B4GALNT2: variants seen among roughly 807,000 people sequenced by gnomAD.
B4GALNT2 encodes the protein N-acetylneuraminylgalactosylglucosyl-glucoside beta-1,4-N- acetylgalactosaminyltransferase 2.
B4GALNT2 carries 42 observed loss-of-function variants against 51.1 expected under a neutral mutation model. The ratio of observed to expected loss-of-function variants is 0.82; its 90% CI spans 0.64 to 1.06. The LOEUF (loss-of-function observed/expected upper bound fraction) is 1.06, where lower values mean the gene tolerates loss of function less well. B4GALNT2 is among the 50% of genes least tolerant of loss of function. The probability of loss-of-function intolerance (pLI) is 0.00; values close to 1 mark genes in which losing one functional copy is unlikely to be tolerated. For missense variants in B4GALNT2, 602 were observed against 633.6 expected (o/e 0.95, Z 0.54); for synonymous variants, 253 against 251.7 (o/e 1.01, Z -0.05).
chr17:49,163,756 C>CA (rs10589274), intron 7 of B4GALNT2, among the ~76,000 whole-genome samples: 20,478 of 90,944 alleles, frequency 0.23, 2,095 homozygotes, highest in Admixed American at 0.25. Context: ...AACTCCGTAT[C>CA]AAAAAAAAAA....
At chr17:49,124,906 A>G in the B4GALNT2 span, among the ~76,000 whole-genome samples, 2 of 152,220 alleles carry the variant, frequency 1.3e-5, no homozygotes, top group Non-Finnish European at 2.9e-5. Flanking sequence ...ACTTTAGCCA[A>G]TATGTTTACA....
chr17:49,168,490 G>C (rs183892508), intron 9 of B4GALNT2, among the ~76,000 whole-genome samples, 191 bp from the exon 10 acceptor site: 15 of 152,284 alleles, frequency 9.9e-5, no homozygotes, highest in African/African-American at 3.1e-4. Context: ...AGAGCCCAGG[G>C]ACCCAACAGT....
intron 1 of B4GALNT2, among the ~76,000 whole-genome samples, chr17:49,135,593 T>C (rs2042582520): frequency 6.6e-6 from 1 of 152,086 alleles, no homozygotes; most frequent in African/African-American, 2.4e-5. Flanking sequence ...CTTGCTATTC[T>C]TATGTGTTAC....
At chr17:49,125,022 C>T in the B4GALNT2 span, among the ~76,000 whole-genome samples, 1 of 152,186 alleles carries the variant, frequency 6.6e-6, no homozygotes, top group East Asian at 1.9e-4. Context: ...GGTAAAAAAC[C>T]ACATTACATT....
rs760502999 is a variant in B4GALNT2 at position 49,160,692 on chromosome 17, G to T, written c.766+51G>T. 6 of 1,524,948 alleles carry T rather than the reference G, an allele frequency of 3.9e-6. No homozygotes were observed. The South Asian group carries it at 6.7e-5, about 17-fold the overall frequency. 94.5% of individuals were successfully genotyped at this position (1,524,948 alleles called of 1,614,324 possible). On this transcript the variant is annotated intron_variant, in intron 7 of 10. Coordinates refer to ENST00000393354, the MANE Select transcript of B4GALNT2 (RefSeq NM_001159387.2). The stretch of plus-strand genomic sequence containing the variant: ...GTGGTGGCAACCCTGTGAAGCTATT[G>T]GTGAAATTCAGAAGGGATCACCTCT...
intron 3 of B4GALNT2, among the ~76,000 whole-genome samples, chr17:49,147,608 T>G (rs1027762327): frequency 6.6e-6 from 1 of 151,974 alleles, no homozygotes; most frequent in Non-Finnish European, 1.5e-5. Context: ...ACTCCTGAGC[T>G]CAAGCAATCC....
At chr17:49,139,215 C>T (rs1315827912) in intron 1 of B4GALNT2, among the ~76,000 whole-genome samples, 1 of 151,880 alleles carries the variant, frequency 6.6e-6, no homozygotes, top group African/African-American at 2.4e-5. Flanking sequence ...ACTTCCATGA[C>T]AATGTTAGAT....
intron 1 of B4GALNT2, 145 bp from the exon 2 acceptor site, chr17:49,141,102 C>A: frequency 1.4e-6 from 1 of 692,894 alleles, no homozygotes. Context: ...TGATTCTTTC[C>A]TCCTCTGTTT....
the B4GALNT2 span, among the ~76,000 whole-genome samples, chr17:49,126,167 C>T: frequency 9.9e-5 from 15 of 152,190 alleles, no homozygotes; most frequent in Admixed American, 8.5e-4. Flanking sequence ...AAAAATTCTT[C>T]GGCCTTGGGA....
intron 4 of B4GALNT2, among the ~76,000 whole-genome samples, chr17:49,154,912 T>C (rs2042793615): frequency 6.6e-6 from 1 of 152,130 alleles, no homozygotes. Context: ...AGAACAGAGA[T>C]AGATTCTAAA....
At chr17:49,139,971 A>C (rs2042626223) in intron 1 of B4GALNT2, among the ~76,000 whole-genome samples, 1 of 151,254 alleles carries the variant, frequency 6.6e-6, no homozygotes, top group Admixed American at 6.6e-5. Context: ...GAATAGATTG[A>C]GATACCTTCT....
chr17:49,176,339 T>C lies in B4GALNT2; in HGVS notation c.*6611T>C, dbSNP rs1393987951. ...CAGAGCTGAAAGCCCCGAACAGAGT[T>C]TGACTCACATGTTTATTGACAGCAA... On this transcript the variant is annotated 3_prime_UTR_variant, in exon 11 of 11. Transcript: ENST00000393354. 1 of 152,210 alleles carries C rather than the reference T, an allele frequency of 6.6e-6. No individual in the cohort carries two copies. Among genetic ancestry groups the C allele is most frequent in the African/African-American group, 2.4e-5 (1 of 41,442 alleles). The allele number at this position is 152,210 out of a possible 1,614,324, so 9.4% of individuals were successfully genotyped here.
rs2042967940 is a variant in B4GALNT2, at chr17:49,173,173, A to T, written c.*3445A>T. Reference sequence around the variant, plus strand: ...CCCTAATGTGAGTGATGTAAAAAGGATGCATTCTACTCCTGACTGCTGTTT... The same window carrying T: ...CCCTAATGTGAGTGATGTAAAAAGGTTGCATTCTACTCCTGACTGCTGTTT... On this transcript the variant is annotated 3_prime_UTR_variant, in exon 11 of 11. Coordinates refer to ENST00000393354, the MANE Select transcript of B4GALNT2 (RefSeq NM_001159387.2). 6.6e-6 allele frequency: 1 copy of T among 152,196 alleles called. No individual in the cohort carries two copies. Among genetic ancestry groups the T allele is most frequent in the African/African-American group, 2.4e-5 (1 of 41,448 alleles). The allele number at this position is 152,196 out of a possible 1,614,324, so 9.4% of individuals were successfully genotyped here. A position where few individuals can be genotyped will look rare whatever the true frequency, so the allele number is the denominator to read the frequency against.
At position 49,159,040 on chromosome 17, in the gene B4GALNT2, A is replaced by C. The variant is rs1325898409; in HGVS notation, c.502A>C (p.Thr168Pro). Residue 168 changes from threonine (T) to proline (P), a missense_variant, in exon 6 of 11, where the codon ACC becomes CCC. Coordinates refer to ENST00000393354, the MANE Select transcript of B4GALNT2 (RefSeq NM_001159387.2). ...EGPDAPVYEV[T>P]LTASLGTLNT... ...CATTCTACCTCACCCACCCTAGGTC[A>C]CCCTGACAGCTTCTCTGGGGACACT... 6.2e-7 allele frequency: 1 copy of C among 1,613,920 alleles called. No individual in the cohort carries two copies. Among genetic ancestry groups the C allele is most frequent in the East Asian group, 2.2e-5 (1 of 44,878 alleles).
At chr17:49,132,925 G>T (rs1214084941) in intron 1 of B4GALNT2, 119 bp downstream of exon 1, 2 of 1,379,250 alleles carry the variant, frequency 1.5e-6, no homozygotes, top group South Asian at 1.8e-5. Flanking sequence ...GCCGGAGCCA[G>T]GGAGCGGGCG....
chr17:49,142,316 C>A, intron 3 of B4GALNT2, 144 bp downstream of exon 3: 3 of 1,066,070 alleles, frequency 2.8e-6, no homozygotes, highest in Non-Finnish European at 3.9e-6. Flanking sequence ...AGGAATGAAA[C>A]AAAGAAGGAA....
intron 3 of B4GALNT2, chr17:49,148,235 A>T: frequency 4.8e-6 from 1 of 209,614 alleles, no homozygotes. Flanking sequence ...GGGAGGTGGC[A>T]GTGGCAGTGA....
At chr17:49,137,361 G>A (rs146479818) in intron 1 of B4GALNT2, among the ~76,000 whole-genome samples, 231 of 152,290 alleles carry the variant, frequency 1.5e-3, no homozygotes, top group African/African-American at 5.1e-3. Context: ...GAGTGGGTTC[G>A]TTATAGTAGG....
intron 1 of B4GALNT2, chr17:49,133,179 T>A (rs1168150888): frequency 2.0e-6 from 3 of 1,512,842 alleles, no homozygotes; most frequent in Non-Finnish European, 2.6e-6. Context: ...TGACCCAGCC[T>A]GGGGCCCGTT....
Sources: allele counts gnomAD v4.1 joint callset (sites outside exome capture counted in the v4.1 genomes callset), GRCh38; gene constraint gnomAD v4.1.1; transcripts MANE v1.5; gene names NCBI Gene and HGNC (gene_info 2026-07-23, HGNC 2026-07-21).